LPAR1: variants seen among roughly 807,000 people sequenced by gnomAD.
LPAR1 encodes the protein lysophosphatidic acid receptor 1.
Under a neutral mutation model 23.8 loss-of-function variants are expected in LPAR1, and 5 were observed. The observed-to-expected ratio is 0.21, with a 90% CI of 0.11 to 0.44. The LOEUF is 0.44. LPAR1 is among the 20% of genes least tolerant of loss of function. The probability of loss-of-function intolerance (pLI) is 0.99; values close to 1 mark genes in which losing one functional copy is unlikely to be tolerated. For missense variants in LPAR1, 311 were observed against 482.8 expected, an observed-to-expected ratio of 0.64 and a Z score of 3.33; for synonymous variants, 160 against 164.7, an observed-to-expected ratio of 0.97 and a Z score of 0.22.
chr9:111,005,041 G>C (rs1222912164), intron 2 of LPAR1, among the ~76,000 whole-genome samples: 1 of 151,208 alleles, frequency 6.6e-6, no homozygotes, highest in Admixed American at 6.6e-5. Context: ...GTGTGCCTGT[G>C]GTTCCAGGTA....
chr9:111,027,704 G>A (rs1234471545), intron 2 of LPAR1, among the ~76,000 whole-genome samples: 1 of 151,780 alleles, frequency 6.6e-6, no homozygotes, highest in Non-Finnish European at 1.5e-5. Context: ...TTTGAGTTAA[G>A]ACATGAAAAT....
intron 4 of LPAR1, 85 bp downstream of exon 4, chr9:110,971,988 G>A (rs1199831710): frequency 1.8e-6 from 2 of 1,127,048 alleles, no homozygotes; most frequent in Non-Finnish European, 2.7e-6. Context: ...ATGATCCCTA[G>A]AGTCAAATAC....
chr9:110,980,599 T>C (rs534043020), intron 2 of LPAR1, among the ~76,000 whole-genome samples: 4 of 151,820 alleles, frequency 2.6e-5, no homozygotes, highest in African/African-American at 7.2e-5. Context: ...GAGAGTAGGA[T>C]AGTGCTTACT....
intron 4 of LPAR1, among the ~76,000 whole-genome samples, chr9:110,947,892 T>C (rs2095437930): frequency 6.6e-6 from 1 of 150,610 alleles, no homozygotes; most frequent in Non-Finnish European, 1.5e-5. Flanking sequence ...GACTGTAATC[T>C]ATGCTGATAA....
intron 5 of LPAR1, among the ~76,000 whole-genome samples, chr9:110,885,238 A>G (rs2082036915): frequency 6.6e-6 from 1 of 152,210 alleles, no homozygotes; most frequent in South Asian, 2.1e-4. Flanking sequence ...ATGTTGCTCT[A>G]CATTCAAATG....
chr9:110,986,138 C>T (rs1223728957), intron 2 of LPAR1, among the ~76,000 whole-genome samples: 1 of 152,058 alleles, frequency 6.6e-6, no homozygotes, highest in African/African-American at 2.4e-5. Flanking sequence ...TGTGTGCATG[C>T]CATGACCCTC....
At chr9:110,909,770 G>C (rs184667613) in intron 5 of LPAR1, among the ~76,000 whole-genome samples, 1 of 120,386 alleles carries the variant, frequency 8.3e-6, no homozygotes, top group Non-Finnish European at 1.7e-5. Context: ...TTTAGAGAGA[G>C]GGTCTGGCTC....
At chr9:110,932,737 A>T (rs1168036745) in intron 5 of LPAR1, among the ~76,000 whole-genome samples, 4 of 152,202 alleles carry the variant, frequency 2.6e-5, no homozygotes, top group Non-Finnish European at 4.4e-5. Context: ...TGCAGATGTG[A>T]GGGATCTAGA....
chr9:110,989,535 G>A (rs1278873169), intron 2 of LPAR1, among the ~76,000 whole-genome samples: 1 of 151,958 alleles, frequency 6.6e-6, no homozygotes, highest in East Asian at 1.9e-4. Flanking sequence ...TACATAAAGG[G>A]GTACGATGTC....
chr9:110,895,316 G>A (rs757297545), intron 5 of LPAR1, among the ~76,000 whole-genome samples: 2 of 152,228 alleles, frequency 1.3e-5, no homozygotes, highest in Non-Finnish European at 2.9e-5. Context: ...CAGAACAGCT[G>A]CTACAGCCAG....
At chr9:111,024,682 T>C (rs1362063150) in intron 2 of LPAR1, among the ~76,000 whole-genome samples, 1 of 151,784 alleles carries the variant, frequency 6.6e-6, no homozygotes, top group Admixed American at 6.6e-5. Flanking sequence ...GTATTTCTCC[T>C]AATGTTATCC....
chr9:110,944,114 T>A (rs981337631), intron 4 of LPAR1, among the ~76,000 whole-genome samples: 1 of 152,176 alleles, frequency 6.6e-6, no homozygotes, highest in South Asian at 2.1e-4. Flanking sequence ...GTTTCTTGTA[T>A]CAGAATTACC....
chr9:110,975,264 T>C (rs1434630116), intron 2 of LPAR1, among the ~76,000 whole-genome samples: 1 of 152,026 alleles, frequency 6.6e-6, no homozygotes, highest in Non-Finnish European at 1.5e-5. Flanking sequence ...GAAAGCGAAA[T>C]AGAAATGGAT....
At chr9:111,022,335 G>A (rs558372174) in intron 2 of LPAR1, among the ~76,000 whole-genome samples, 42 of 152,250 alleles carry the variant, frequency 2.8e-4, no homozygotes, top group African/African-American at 1.0e-3. Context: ...GTATTGTCAA[G>A]GGTATCATGC....
chr9:110,985,205 T>C (rs1229130718), intron 2 of LPAR1, among the ~76,000 whole-genome samples: 1 of 152,064 alleles, frequency 6.6e-6, no homozygotes. Context: ...TGTTTTAAAA[T>C]ACCATCGCCA....
intron 2 of LPAR1, among the ~76,000 whole-genome samples, chr9:111,024,660 C>T (rs2141240343): frequency 6.6e-6 from 1 of 151,592 alleles, no homozygotes; most frequent in African/African-American, 2.4e-5. Flanking sequence ...ATAAACTCGC[C>T]ATCTACATTA....
chr9:110,942,195 G>A, intron 4 of LPAR1, 27 bp from the exon 5 acceptor site: 4 of 1,569,242 alleles, frequency 2.5e-6, no homozygotes, highest in Non-Finnish European at 3.4e-6. Flanking sequence ...AAAAGATGAT[G>A]AAAAAGAAGG....
At chr9:110,954,442 G>C (rs1033547769) in intron 4 of LPAR1, among the ~76,000 whole-genome samples, 3 of 152,126 alleles carry the variant, frequency 2.0e-5, no homozygotes, top group Non-Finnish European at 4.4e-5. Context: ...TCTAGCAAGA[G>C]AATTAGACAT....
chr9:111,024,647 C>T (rs1386797442), intron 2 of LPAR1, among the ~76,000 whole-genome samples: 1 of 151,270 alleles, frequency 6.6e-6, no homozygotes, highest in Non-Finnish European at 1.5e-5. Flanking sequence ...GTTTGCTGCA[C>T]CCATAAACTC....
Sources: allele counts gnomAD v4.1 joint callset (sites outside exome capture counted in the v4.1 genomes callset), GRCh38; gene constraint gnomAD v4.1.1; transcripts MANE v1.5; gene names NCBI Gene and HGNC (gene_info 2026-07-23, HGNC 2026-07-21).